Variants in ADAMTS6 observed in about 807,000 individuals in gnomAD.
ADAMTS6 encodes ADAM metallopeptidase with thrombospondin type 1 motif 6, also known as A disintegrin and metalloproteinase with thrombospondin motifs 6.
A neutral mutation model predicts 144.3 loss-of-function variants in ADAMTS6; 23 were observed. The ratio of observed to expected loss-of-function variants is 0.16; its 90% CI spans 0.11 to 0.23. ADAMTS6 has a LOEUF of 0.23. Ranked by LOEUF, ADAMTS6 falls within the 10% of genes least tolerant of loss-of-function variation. The pLI, the probability that ADAMTS6 is intolerant of heterozygous loss-of-function variation, is 1.00. For missense variants in ADAMTS6, 999 were observed against 1,379.6 expected, an observed-to-expected ratio of 0.72 and a Z score of 4.37; for synonymous variants, 444 against 457.5, an observed-to-expected ratio of 0.97 and a Z score of 0.38.
At chr5:65,284,002 G>A (rs1401902508) in intron 11 of ADAMTS6, among the ~76,000 whole-genome samples, 2 of 152,034 alleles carry the variant, frequency 1.3e-5, no homozygotes, top group South Asian at 4.2e-4. Context: ...GTACTTCTCA[G>A]TATTTCCCTG....
At chr5:65,382,267 G>T (rs2150136269) in intron 7 of ADAMTS6, among the ~76,000 whole-genome samples, 1 of 152,246 alleles carries the variant, frequency 6.6e-6, no homozygotes, top group East Asian at 1.9e-4. Flanking sequence ...ATCAACTTTG[G>T]ATCCACTGAT....
At chr5:65,329,935 AT>A (rs949786181) in intron 8 of ADAMTS6, among the ~76,000 whole-genome samples, 10 of 152,124 alleles carry the variant, frequency 6.6e-5, no homozygotes, top group African/African-American at 2.2e-4. Flanking sequence ...ATCCCAAATT[AT>A]TTTTTAAGTG....
intron 7 of ADAMTS6, among the ~76,000 whole-genome samples, chr5:65,361,563 T>C (rs973390205): frequency 1.3e-5 from 2 of 152,032 alleles, no homozygotes; most frequent in African/African-American, 4.8e-5. Flanking sequence ...AAAAAGTCCA[T>C]GAGGGACTAG....
chr5:65,201,318 T>A (rs1444888173), intron 20 of ADAMTS6, among the ~76,000 whole-genome samples: 3 of 151,078 alleles, frequency 2.0e-5, no homozygotes, highest in African/African-American at 7.2e-5. Context: ...CCCAATGTTC[T>A]CATGTGTTCC....
At chr5:65,438,195 A>G (rs769316986) in intron 7 of ADAMTS6, among the ~76,000 whole-genome samples, 16 of 152,184 alleles carry the variant, frequency 1.1e-4, no homozygotes, top group Non-Finnish European at 2.4e-4. Context: ...AAAATGGAAT[A>G]TAATATTTTA....
At chr5:65,477,631 C>T (rs1381277237) in intron 1 of ADAMTS6, among the ~76,000 whole-genome samples, 2 of 152,154 alleles carry the variant, frequency 1.3e-5, no homozygotes, top group Non-Finnish European at 2.9e-5. Context: ...GTAAAAAAGG[C>T]ATTGGTGCAT....
At chr5:65,294,357 C>T (rs989537782) in intron 10 of ADAMTS6, among the ~76,000 whole-genome samples, 1 of 152,100 alleles carries the variant, frequency 6.6e-6, no homozygotes, top group African/African-American at 2.4e-5. Flanking sequence ...GGAGCTGGGA[C>T]CAGAGGCATG....
chr5:65,225,921 G>A (rs191481956), intron 16 of ADAMTS6, among the ~76,000 whole-genome samples, 165 bp downstream of exon 16: 3 of 151,972 alleles, frequency 2.0e-5, no homozygotes, highest in Admixed American at 6.6e-5. Context: ...GAATATGAAT[G>A]GGTCATTTTA....
intron 7 of ADAMTS6, among the ~76,000 whole-genome samples, chr5:65,374,455 T>C (rs1751304004): frequency 1.3e-5 from 2 of 148,934 alleles, no homozygotes; most frequent in Admixed American, 6.7e-5. Context: ...AGCATTCTTA[T>C]ACACCAACAA....
intron 7 of ADAMTS6, among the ~76,000 whole-genome samples, chr5:65,418,730 T>C (rs573348468): frequency 3.0e-4 from 46 of 152,182 alleles, no homozygotes; most frequent in Admixed American, 6.5e-4. Context: ...CATTTTAAAA[T>C]GGGCAAAAAC....
intron 7 of ADAMTS6, among the ~76,000 whole-genome samples, chr5:65,397,617 CTGT>C (rs1561499594): frequency 2.6e-5 from 4 of 151,468 alleles, no homozygotes; most frequent in African/African-American, 9.7e-5. Flanking sequence ...TGGCTCACAC[CTGT>C]AATCCCAGGA....
intron 11 of ADAMTS6, 96 bp from the exon 12 acceptor site, chr5:65,273,543 G>A: frequency 1.0e-6 from 1 of 988,016 alleles, no homozygotes; most frequent in East Asian, 2.5e-5. Context: ...ACTTTCAAGA[G>A]ACCCTGGGTA....
chr5:65,166,083 T>G (rs1019785594), intron 24 of ADAMTS6, among the ~76,000 whole-genome samples: 15 of 143,636 alleles, frequency 1.0e-4, no homozygotes, highest in Middle Eastern at 3.6e-3. Flanking sequence ...AGACACAGAC[T>G]GGCAAGTTGG....
At position 65,226,164 on chromosome 5, in the gene ADAMTS6, A is replaced by C; in HGVS notation, c.1989T>G (p.Thr663=). The C allele has an allele frequency of 6.2e-7, 1 of 1,613,950 alleles. No individual in the cohort carries two copies. The highest frequency in any genetic ancestry group is 8.5e-7 in the Non-Finnish European group (1 of 1,179,898). ...CATCGATCACCGCAGGAGCACGTTC[A>C]GTGTAGAAATTATAACCTTCAGCCA... ...NCLAEGYNFY[T]ERAPAVIDGT... Residue 663 remains threonine (T), a synonymous_variant, in exon 16 of 25, where the codon ACT becomes ACG. Transcript: ENST00000381055.
At chr5:65,426,943 C>T (rs903219775) in intron 7 of ADAMTS6, among the ~76,000 whole-genome samples, 1 of 152,032 alleles carries the variant, frequency 6.6e-6, no homozygotes, top group Non-Finnish European at 1.5e-5. Context: ...AAAGCCTACT[C>T]AAATACATCA....
chr5:65,338,640 C>G (rs577191725), intron 7 of ADAMTS6, among the ~76,000 whole-genome samples: 1 of 152,214 alleles, frequency 6.6e-6, no homozygotes, highest in East Asian at 1.9e-4. Flanking sequence ...AAAGACACAC[C>G]CTCCCAGCCA....
chr5:65,370,584 G>A (rs980093293), intron 7 of ADAMTS6, among the ~76,000 whole-genome samples: 3 of 152,154 alleles, frequency 2.0e-5, no homozygotes, highest in African/African-American at 7.2e-5. Flanking sequence ...AAAAAATGGC[G>A]CACCACGAGA....
At chr5:65,402,796 G>C (rs990727483) in intron 7 of ADAMTS6, among the ~76,000 whole-genome samples, 2 of 151,812 alleles carry the variant, frequency 1.3e-5, no homozygotes, top group African/African-American at 4.8e-5. Context: ...TTTTGGTCTA[G>C]CTTTAATAAT....
intron 11 of ADAMTS6, among the ~76,000 whole-genome samples, chr5:65,286,158 G>C (rs1763347796): frequency 6.6e-6 from 1 of 152,118 alleles, no homozygotes; most frequent in Non-Finnish European, 1.5e-5. Flanking sequence ...GTAAATAAAA[G>C]ACAATTTGCA....
Sources: allele counts gnomAD v4.1 joint callset (sites outside exome capture counted in the v4.1 genomes callset), GRCh38; gene constraint gnomAD v4.1.1; transcripts MANE v1.5; gene names NCBI Gene and HGNC (gene_info 2026-07-23, HGNC 2026-07-21).